Variants in CTC1 observed in about 807,000 individuals in gnomAD.
CTC1 encodes CST telomere replication complex component 1, also known as CST complex subunit CTC1.
A neutral mutation model predicts 136.3 loss-of-function variants in CTC1; 91 were observed. The ratio of observed to expected loss-of-function variants is 0.67; its 90% confidence interval spans 0.56 to 0.79. The LOEUF (loss-of-function observed/expected upper bound fraction) is 0.79, where lower values mean the gene tolerates loss of function less well. Ranked by LOEUF, CTC1 falls within the 30% of genes least tolerant of loss-of-function variation. The pLI is 0.00. For synonymous variants in CTC1, 606 were observed against 613.8 expected (o/e 0.99, Z 0.19); for missense variants, 1,432 against 1,498.1 (o/e 0.96, Z 0.73).
rs1430031620 is a variant in CTC1, at chr17:8,236,245, T to C, written c.890A>G (p.His297Arg). The C allele has an allele frequency of 1.9e-6, 3 of 1,614,172 alleles. No individual in the cohort carries two copies. Among genetic ancestry groups the C allele is most frequent in the Middle Eastern group, 1.6e-4 (1 of 6,062 alleles). The change falls in exon 6 of 23, where the codon CAT (histidine) becomes CGT (arginine). Residue 297 changes from histidine (H) to arginine (R), a missense_variant. Physicochemically the swap from His to Arg is conservative, Grantham distance 29. Transcript: ENST00000651323. The part of the protein sequence containing the change: ...RVSKIRGQRQ[H>R]VWMTSQSSRL... ...GGAGGACTGACTGGTCATCCAAACATGCTGGCGCTGACCACGGATCTTGGA... is the reference window on the plus strand; with the variant it reads ...GGAGGACTGACTGGTCATCCAAACACGCTGGCGCTGACCACGGATCTTGGA...
chr17:8,234,767 A>G lies in CTC1; in HGVS notation c.1599T>C (p.His533=), dbSNP rs1987552968. 1 of 1,599,038 alleles carries G rather than the reference A, an allele frequency of 6.3e-7. No individual in the cohort carries two copies. Among genetic ancestry groups the G allele is most frequent in the East Asian group, 2.2e-5 (1 of 44,704 alleles). ...NAHNEILEEP[H]HCPLQKYTRL... is the part of the protein sequence containing the mutation. ...CTCATACTTTCTGGAGGGGACAGTG[A>G]TGTGGCTCTTCAAGGATCTCATTGT... Residue 533 remains histidine (H), a synonymous_variant, in exon 9 of 23, where the codon CAT becomes CAC. Coordinates refer to ENST00000651323, the MANE Select transcript of CTC1 (RefSeq NM_025099.6).
In CTC1 at chr17:8,229,136, T is replaced by G. The variant is rs1463758472; in HGVS notation, c.3221+6A>C. The G allele has an allele frequency of 3.1e-6, 5 of 1,613,562 alleles. No individual in the cohort carries two copies. Among genetic ancestry groups the G allele is most frequent in the Non-Finnish European group, 4.2e-6 (5 of 1,179,986 alleles). ...GGCACAATGGGTGCACGCCTTGTGC[T>G]CTCACCTGATGATGGCCTGGCTTAT... On this transcript the variant is annotated splice_donor_region_variant and intron_variant, in intron 20 of 22. Transcript: ENST00000651323.
At position 8,236,311 on chromosome 17, in the gene CTC1, A is replaced by G; in HGVS notation, c.824T>C (p.Leu275Pro). Residue 275 changes from leucine (L) to proline (P), a missense_variant, in exon 6 of 23, where the codon CTT (leucine) becomes CCT (proline). Physicochemically the swap from Leu to Pro is moderately conservative, Grantham distance 98. Transcript: ENST00000651323. ...CAGCACATAGGCTGTACCAGGCCGAAGGGCTCTGTGCCACACCAGCTGGGC... is the reference window on the plus strand; with the variant it reads ...CAGCACATAGGCTGTACCAGGCCGAGGGGCTCTGTGCCACACCAGCTGGGC... ...VPAQLVWHRA[L>P]RPGTAYVLTE... The G allele has an allele frequency of 6.2e-7, 1 of 1,610,538 alleles. No homozygotes were observed. Among genetic ancestry groups the G allele is most frequent in the Non-Finnish European group, 8.5e-7 (1 of 1,180,004 alleles).
At chr17:8,229,051 G>C in intron 20 of CTC1, 91 bp downstream of exon 20, 3 of 1,492,364 alleles carry the variant, frequency 2.0e-6, no homozygotes, top group Non-Finnish European at 2.8e-6. Flanking sequence ...CAATTCTCAT[G>C]AGCCAGGAAT....
In CTC1 at chr17:8,227,362, C is replaced by T. The variant is rs1368617432; in HGVS notation, c.*818G>A. The T allele has an allele frequency of 6.6e-6, 1 of 152,202 alleles. No homozygotes were observed. Among genetic ancestry groups the T allele is most frequent in the Non-Finnish European group, 1.5e-5 (1 of 68,062 alleles). The allele number at this position is 152,202 out of a possible 1,614,324, so 9.4% of individuals were successfully genotyped here. ...TTGTACGGTTGTGATTTCGGAGCAC[C>T]TTCTGGTCTCAAGGTATATCGATCA... is the stretch of plus-strand genomic sequence containing the variant. On this transcript the variant is annotated 3_prime_UTR_variant, in exon 23 of 23. Transcript: ENST00000651323.
Position 8,235,273 on chromosome 17 carries a change from G to T in CTC1, c.1219C>A (p.His407Asn), listed in dbSNP as rs1286168861. 3 of 1,613,000 alleles carry T rather than the reference G, an allele frequency of 1.9e-6. No individual in the cohort carries two copies. In the East Asian group the frequency reaches 6.7e-5, roughly 36 times the overall value. The change falls in exon 8 of 23, where the codon CAC (histidine) becomes AAC (asparagine). Residue 407 changes from histidine (H) to asparagine (N), a missense_variant. Coordinates refer to ENST00000651323, the MANE Select transcript of CTC1 (RefSeq NM_025099.6). ...CCCCCTCCCACTGACTGGAGCAGGTGAACATCCTGGAGCTGGGGGAAAGCA... is the reference window on the plus strand; with the variant it reads ...CCCCCTCCCACTGACTGGAGCAGGTTAACATCCTGGAGCTGGGGGAAAGCA... The part of the protein sequence containing the change: ...PGVCLQLQDV[H>N]LLQSVGGGTR...
chr17:8,231,824 A>G lies in CTC1; in HGVS notation c.2386-9T>C. On this transcript the variant is annotated splice_polypyrimidine_tract_variant and intron_variant, in intron 13 of 22. Coordinates refer to ENST00000651323, the MANE Select transcript of CTC1 (RefSeq NM_025099.6). ...AAGAAAATGAGGTGAACCTGGGAGG[A>G]TGGAGAGCAAAGTGCTGGGATCCTA... is the stretch of plus-strand genomic sequence containing the variant. 1.2e-6 allele frequency: 2 copies of G among 1,614,142 alleles called. No individual in the cohort carries two copies. Among genetic ancestry groups the G allele is most frequent in the African/African-American group, 1.3e-5 (1 of 75,040 alleles).
In CTC1 at chr17:8,235,138, G is replaced by A. The variant is rs1987595222; in HGVS notation, c.1354C>T (p.Leu452=). The change falls in exon 8 of 23, where the codon CTG becomes TTG. Residue 452 remains leucine, a synonymous_variant. Transcript: ENST00000651323. ...HSSRQAYGAS[L]YEQLVWERQL... ...CGTTCCCACACCAGCTGCTCGTACA[G>A]GGAGGCCCCGTAGGCTTGACGGGAT... is the stretch of plus-strand genomic sequence containing the variant. 6.2e-7 allele frequency: 1 copy of A among 1,614,180 alleles called. No homozygotes were observed.
In CTC1 at chr17:8,232,931, T is replaced by C. The variant is rs748698062; in HGVS notation, c.1920A>G (p.Gln640=). Residue 640 remains glutamine, a synonymous_variant, in exon 11 of 23, where the codon CAA becomes CAG. Coordinates refer to ENST00000651323, the MANE Select transcript of CTC1 (RefSeq NM_025099.6). ...CTATCAGCCGTGGGTCACTGAGGGG[T>C]TGAGAGTGCTTGGCCAGGAGCAGGC... ...LPCLLLAKHS[Q]PLSDPRLIGC... is the part of the protein sequence containing the mutation. 2 of 1,613,854 alleles carry C rather than the reference T, an allele frequency of 1.2e-6. No individual in the cohort carries two copies. The highest frequency in any genetic ancestry group is 3.3e-5 in the Admixed American group (2 of 59,984).
At position 8,231,468 on chromosome 17, in the gene CTC1, G is replaced by T. The variant is rs757061571; in HGVS notation, c.2477C>A (p.Thr826Lys). 18 of 1,600,286 alleles carry T rather than the reference G, an allele frequency of 1.1e-5. No individual in the cohort carries two copies. The East Asian group carries it at 3.8e-4, about 34-fold the overall frequency. The change falls in exon 15 of 23, where the codon ACA (threonine) becomes AAA (lysine). Residue 826 changes from threonine (T) to lysine (K), a missense_variant and splice_region_variant. Thr to Lys is a moderately conservative substitution (Grantham distance 78). Transcript: ENST00000651323. ...VYRLIAPGPA[T>K]PMLFEKDGSS... ...ACCATCCTTTTCAAACAACATTGGT[G>T]TCTGCACGGAAATGGGAAGACGACT...
rs1463129527 is a variant in CTC1 at position 8,237,429 on chromosome 17, G to C, written c.738C>G (p.Ile246Met). 8.7e-6 allele frequency: 14 copies of C among 1,613,826 alleles called. No homozygotes were observed. The highest frequency in any genetic ancestry group is 1.1e-5 in the Non-Finnish European group (13 of 1,179,960). The change falls in exon 5 of 23, where the codon ATC becomes ATG. Residue 246 changes from isoleucine to methionine, a missense_variant. Coordinates refer to ENST00000651323, the MANE Select transcript of CTC1 (RefSeq NM_025099.6). ...LVKSKQKAYF[I>M]LSLGRSHPAV... ...CTGGGTGTGATCTACCAAGAGACAG[G>C]ATGAAGTAAGCTTTCTGTTTACTTT... is the stretch of plus-strand genomic sequence containing the variant.
intron 1 of CTC1, 119 bp from the exon 2 acceptor site, chr17:8,243,267 C>T (rs1988427586): frequency 1.1e-6 from 1 of 906,532 alleles, no homozygotes; most frequent in Admixed American, 2.9e-5. Flanking sequence ...CGCCTGTAAT[C>T]CCAACACTTT....
chr17:8,230,054 A>C, intron 17 of CTC1, 86 bp from the exon 18 acceptor site: 1 of 1,286,442 alleles, frequency 7.8e-7, no homozygotes, highest in Non-Finnish European at 1.1e-6. Flanking sequence ...AGCACCACAG[A>C]GTGGCCACTC....
chr17:8,230,485 G>A lies in CTC1; in HGVS notation c.2759-17C>T. 2 of 1,613,434 alleles carry A rather than the reference G, an allele frequency of 1.2e-6. No individual in the cohort carries two copies. The highest frequency in any genetic ancestry group is 1.7e-6 in the Non-Finnish European group (2 of 1,179,484). ...CCGTGTTCCCTATAGAAGGAAGGTG[G>A]GTGTTAGTAGGATCTGTGAAGTCCA... On this transcript the variant is annotated splice_polypyrimidine_tract_variant and intron_variant, in intron 16 of 22. Coordinates refer to ENST00000651323, the MANE Select transcript of CTC1 (RefSeq NM_025099.6).
rs776940926 is a variant in CTC1 at position 8,234,864 on chromosome 17, C to A, written c.1502G>T (p.Ser501Ile). 6.2e-7 allele frequency: 1 copy of A among 1,613,082 alleles called. No individual in the cohort carries two copies. Among genetic ancestry groups the A allele is most frequent in the Non-Finnish European group, 8.5e-7 (1 of 1,179,524 alleles). ...FLQHSSPGSP[S>I]LGLQLLAPTL... ...AGGAGCCAGGAGTTGCAGTCCCAGGCTGGGGCTCCCAGGAGAGGAATGTTG... is the reference window on the plus strand; with the variant it reads ...AGGAGCCAGGAGTTGCAGTCCCAGGATGGGGCTCCCAGGAGAGGAATGTTG... The change falls in exon 9 of 23, where the codon AGC (serine) becomes ATC (isoleucine). Residue 501 changes from serine to isoleucine, a missense_variant. By Grantham distance (142) the Ser-to-Ile change is moderately radical. Transcript: ENST00000651323.
At position 8,231,317 on chromosome 17, in the gene CTC1, CT is replaced by C; in HGVS notation, c.2627del (p.Lys876SerfsTer8). The C allele has an allele frequency of 6.2e-7, 1 of 1,600,384 alleles. No homozygotes were observed. Among genetic ancestry groups the C allele is most frequent in the African/African-American group, 1.3e-5 (1 of 74,760 alleles). ...QDIQDVLDAN[K>X]SLPESSLTDL... The stretch of plus-strand genomic sequence containing the variant: ...CGGTCAGTGAGGATTCAGGCAATGA[CT>C]TGTTTGCATCCAGCACATCTTGGAT... On this transcript the variant is annotated frameshift_variant, in exon 15 of 23. Transcript: ENST00000651323. LOFTEE classifies it high-confidence loss of function.
Position 8,227,022 on chromosome 17 carries a change from G to T in CTC1, c.*1158C>A, listed in dbSNP as rs552270298. The T allele has an allele frequency of 6.6e-6, 1 of 152,104 alleles. No individual in the cohort carries two copies. Among genetic ancestry groups the T allele is most frequent in the Non-Finnish European group, 1.5e-5 (1 of 68,034 alleles). 9.4% of individuals were successfully genotyped at this position (152,104 alleles called of 1,614,324 possible). A position where few individuals can be genotyped will look rare whatever the true frequency, so the allele number is the denominator to read the frequency against. On this transcript the variant is annotated 3_prime_UTR_variant, in exon 23 of 23. Transcript: ENST00000651323. ...GTACGGGGTTCGAACCCGCGACCTTGGCGTTATTAGCACCACGCTCTAACC... is the reference window on the plus strand; with the variant it reads ...GTACGGGGTTCGAACCCGCGACCTTTGCGTTATTAGCACCACGCTCTAACC...
Position 8,235,297 on chromosome 17 carries a change from C to T in CTC1, c.1207-12G>A. ...TGAACATCCTGGAGCTGGGGGAAAG[C>T]AGAGAAAATGAAAAAGCAGAGATGA... On this transcript the variant is annotated splice_polypyrimidine_tract_variant and intron_variant, in intron 7 of 22. Coordinates refer to ENST00000651323, the MANE Select transcript of CTC1 (RefSeq NM_025099.6). The T allele has an allele frequency of 6.2e-7, 1 of 1,601,056 alleles. No individual in the cohort carries two copies. Among genetic ancestry groups the T allele is most frequent in the African/African-American group, 1.3e-5 (1 of 74,680 alleles).
intron 15 of CTC1, chr17:8,230,864 G>A (rs910836215): frequency 5.3e-6 from 3 of 569,974 alleles, no homozygotes; most frequent in Non-Finnish European, 9.4e-6. Context: ...ACCCGCACAA[G>A]GTGGCTCACG....
Sources: allele counts gnomAD v4.1 joint callset, GRCh38; gene constraint gnomAD v4.1.1; transcripts MANE v1.5; gene names NCBI Gene and HGNC (gene_info 2026-07-23, HGNC 2026-07-21).